KIF4A: variants seen among roughly 807,000 people sequenced by gnomAD.
KIF4A encodes kinesin family member 4A.
In KIF4A, 7 loss-of-function variants were observed where a neutral mutation model predicts 105.9. That is an observed-to-expected ratio of 0.07 (90% CI 0.04 to 0.12). The LOEUF (loss-of-function observed/expected upper bound fraction) is 0.12. Among genes scored for constraint, KIF4A ranks in the 10% least tolerant of loss-of-function variants. The probability of loss-of-function intolerance (pLI) is 1.00; values close to 1 mark genes in which losing one functional copy is unlikely to be tolerated. For missense variants in KIF4A, 558 were observed against 929.2 expected, an observed-to-expected ratio of 0.60 and a Z score of 5.19; for synonymous variants, 281 against 331.3, an observed-to-expected ratio of 0.85 and a Z score of 1.65.
chrX:70,365,470 C>A (rs763904540), intron 15 of KIF4A, among the ~76,000 whole-genome samples: 1 of 112,017 alleles, frequency 8.9e-6, no homozygotes, highest in African/African-American at 3.2e-5. Flanking sequence ...TGAATTTTGT[C>A]AAAGGCCTTT....
At position 70,376,161 on chromosome X, in the gene KIF4A, G is replaced by A; in HGVS notation, c.1985G>A (p.Arg662Lys). The change falls in exon 18 of 31, where the codon AGA (arginine) becomes AAA (lysine). Residue 662 changes from arginine (R) to lysine (K), a missense_variant. Physicochemically the swap from Arg to Lys is conservative, Grantham distance 26. Coordinates refer to ENST00000374403, the MANE Select transcript of KIF4A (RefSeq NM_012310.5). The part of the protein sequence containing the change: ...RQMKEDAEKF[R>K]QWKQKKDKEV... The stretch of plus-strand genomic sequence containing the variant: ...ATGAAAGAAGATGCTGAGAAGTTTA[G>A]ACAGTGGAAGCAGAAAAAAGACAAA... 1 of 1,206,531 alleles carries A rather than the reference G, an allele frequency of 8.3e-7. No homozygotes were observed. Among genetic ancestry groups the A allele is most frequent in the Non-Finnish European group, 1.1e-6 (1 of 891,078 alleles).
rs777324549 is a variant in KIF4A at position 70,352,006 on chromosome X, G to T, written c.1432-594G>T. On this transcript the variant is annotated intron_variant, in intron 13 of 30. Coordinates refer to ENST00000374403, the MANE Select transcript of KIF4A (RefSeq NM_012310.5). ...GAACTCCTGACCTCTTGACCTGCCTGCCTTGGCCTCCCAAAGCGCTGGGAT... is the reference window on the plus strand; with the variant it reads ...GAACTCCTGACCTCTTGACCTGCCTTCCTTGGCCTCCCAAAGCGCTGGGAT... Among the ~76,000 whole-genome samples the T allele has an allele frequency of 2.1e-4, 24 of 111,856 alleles. 1 individual carries two copies. The highest frequency in any genetic ancestry group is 1.1e-4 in the Non-Finnish European group (6 of 53,184).
In KIF4A at chrX:70,395,984, A is replaced by G. The variant is rs147578987; in HGVS notation, c.2424A>G (p.Gln808=). 1.1e-5 allele frequency: 13 copies of G among 1,208,107 alleles called. No homozygotes were observed. In the African/African-American group the frequency reaches 1.2e-4, roughly 11 times the overall value. The change falls in exon 22 of 31, where the codon CAA becomes CAG. Residue 808 remains glutamine, a synonymous_variant. Transcript: ENST00000374403. ...RTFSLTEVRG[Q]VSESEDSITK... is the part of the protein sequence containing the mutation. ...TCTCCCTTACTGAAGTGCGTGGTCA[A>G]GTTTCGGAGTCAGAAGATTCTATTA...
intron 13 of KIF4A, among the ~76,000 whole-genome samples, chrX:70,348,439 A>T (rs2086003170): frequency 9.0e-6 from 1 of 110,728 alleles, no homozygotes; most frequent in African/African-American, 3.3e-5. Context: ...TAGTGGAGAG[A>T]AGGTTGGCAG....
chrX:70,326,434 A>G (rs1029904619), intron 7 of KIF4A, among the ~76,000 whole-genome samples: 6 of 112,216 alleles, frequency 5.3e-5, no homozygotes, highest in Non-Finnish European at 1.1e-4. Flanking sequence ...CACTGCATAT[A>G]GATCTACATT....
Position 70,404,064 on chromosome X carries a change from T to C in KIF4A, c.2790+30T>C, listed in dbSNP as rs751025265. ...ACTCTAGCAAGTCAAGAAGCTATAC[T>C]GTGAAACTATCATTGCCTTGTATTG... On this transcript the variant is annotated intron_variant, in intron 24 of 30. Coordinates refer to ENST00000374403, the MANE Select transcript of KIF4A (RefSeq NM_012310.5). 9.2e-6 allele frequency: 11 copies of C among 1,190,461 alleles called. No homozygotes were observed. In the South Asian group the frequency reaches 2.0e-4, roughly 21 times the overall value.
chrX:70,333,606 T>G (rs775049879), intron 9 of KIF4A, 22 bp from the exon 10 acceptor site: 1 of 1,169,991 alleles, frequency 8.5e-7, no homozygotes, highest in Non-Finnish European at 1.2e-6. Context: ...ACTAGCTGAT[T>G]ATTTTTCTTT....
At position 70,308,892 on chromosome X, in the gene KIF4A, G is replaced by A. The variant is rs191968605; in HGVS notation, c.778+6494G>A. ...CCCAAAGTGCTAGGATTACAGGCGTGAGCCACCACGCCAGGCCTGAGATCT... is the reference window on the plus strand; with the variant it reads ...CCCAAAGTGCTAGGATTACAGGCGTAAGCCACCACGCCAGGCCTGAGATCT... On this transcript the variant is annotated intron_variant, in intron 7 of 30. Coordinates refer to ENST00000374403, the MANE Select transcript of KIF4A (RefSeq NM_012310.5). 7.1e-5 allele frequency among the ~76,000 whole-genome samples: 8 copies of A among 112,683 alleles called. No homozygotes were observed. In the South Asian group the frequency reaches 1.8e-3, roughly 26 times the overall value.
chrX:70,383,212 C>G (rs1274880063), intron 18 of KIF4A, among the ~76,000 whole-genome samples: 1 of 109,060 alleles, frequency 9.2e-6, no homozygotes, highest in Non-Finnish European at 1.9e-5. Flanking sequence ...AGAACTCTTA[C>G]CAATCAACAA....
intron 7 of KIF4A, among the ~76,000 whole-genome samples, chrX:70,308,056 T>C (rs987669710): frequency 8.9e-6 from 1 of 112,078 alleles, no homozygotes; most frequent in African/African-American, 3.2e-5. Context: ...AGATGCAAAA[T>C]TTATGGCTTT....
intron 20 of KIF4A, among the ~76,000 whole-genome samples, chrX:70,389,042 G>A (rs914947094): frequency 9.0e-6 from 1 of 111,487 alleles, no homozygotes; most frequent in African/African-American, 3.3e-5. Context: ...TTGAGGCCAG[G>A]AGTTCAAGAC....
At chrX:70,345,441 A>G (rs2067917339) in intron 13 of KIF4A, among the ~76,000 whole-genome samples, 1 of 105,812 alleles carries the variant, frequency 9.5e-6, no homozygotes, top group African/African-American at 3.5e-5. Context: ...TCCAGCCTGG[A>G]TGACAGAGCG....
chrX:70,305,041 A>G (rs866183105), intron 7 of KIF4A, among the ~76,000 whole-genome samples: 27 of 111,044 alleles, frequency 2.4e-4, no homozygotes, highest in African/African-American at 6.2e-4. Flanking sequence ...GTCATATCCA[A>G]TTTTCTCTGT....
At chrX:70,306,093 G>T (rs1368322526) in intron 7 of KIF4A, among the ~76,000 whole-genome samples, 1 of 112,097 alleles carries the variant, frequency 8.9e-6, no homozygotes, top group Non-Finnish European at 1.9e-5. Flanking sequence ...GATGTGAAGA[G>T]TGGTCCAGTT....
intron 11 of KIF4A, 109 bp from the exon 12 acceptor site, chrX:70,343,594 C>T: frequency 6.1e-6 from 4 of 658,014 alleles, no homozygotes; most frequent in Middle Eastern, 9.5e-4. Context: ...TCTGTTACAG[C>T]AAAGGAGACA....
intron 29 of KIF4A, among the ~76,000 whole-genome samples, chrX:70,418,823 G>A (rs993649163): frequency 8.9e-6 from 1 of 111,956 alleles, no homozygotes. Flanking sequence ...GGTGGCTCAC[G>A]CCTGTAATCC....
intron 13 of KIF4A, among the ~76,000 whole-genome samples, chrX:70,351,242 C>T (rs1346684815): frequency 9.0e-6 from 1 of 111,127 alleles, no homozygotes; most frequent in East Asian, 2.8e-4. Context: ...TTTACTGTAG[C>T]CGTCACCTAA....
chrX:70,362,076 C>T (rs957737038), intron 15 of KIF4A: 6 of 162,247 alleles, frequency 3.7e-5, no homozygotes, highest in Non-Finnish European at 5.9e-5. Flanking sequence ...GGACAAGCTA[C>T]ATTACTGCTC....
chrX:70,373,227 A>C (rs1258453722), intron 15 of KIF4A, among the ~76,000 whole-genome samples: 1 of 104,931 alleles, frequency 9.5e-6, no homozygotes, highest in Non-Finnish European at 2.0e-5. Context: ...AACCATGATC[A>C]TGCCTCTGTA....
Sources: gnomAD v4.1 joint callset for allele counts (sites outside exome capture counted in the v4.1 genomes callset) on GRCh38, gnomAD v4.1.1 for gene constraint, MANE v1.5 for transcripts, NCBI Gene and HGNC (gene_info 2026-07-23, HGNC 2026-07-21) for gene names.